Variants in ATP11C observed in about 807,000 individuals in gnomAD.
ATP11C encodes ATPase phospholipid transporting 11C (ATP11C blood group).
A neutral mutation model predicts 97.4 loss-of-function variants in ATP11C; 36 were observed. That is an observed-to-expected ratio of 0.37 (90% confidence interval 0.28 to 0.49). The LOEUF is 0.49. Ranked by LOEUF, ATP11C falls within the 20% of genes least tolerant of loss-of-function variation. ATP11C has a pLI of 0.98. For missense variants in ATP11C, 730 were observed against 824.6 expected (o/e 0.89, Z 1.40); for synonymous variants, 275 against 290.9 (o/e 0.95, Z 0.56).
At chrX:139,862,658 C>T (rs192962029) in intron 1 of ATP11C, among the ~76,000 whole-genome samples, 150 of 111,359 alleles carry the variant, frequency 1.3e-3, no homozygotes, top group African/African-American at 4.4e-3. Flanking sequence ...TTTCATCATC[C>T]CCACTTTGAA....
intron 25 of ATP11C, among the ~76,000 whole-genome samples, chrX:139,745,330 T>A (rs922024874): frequency 9.0e-6 from 1 of 111,420 alleles, no homozygotes; most frequent in African/African-American, 3.3e-5. Context: ...TCCAAAGATA[T>A]GGCAGCTACC....
At position 139,802,085 on chromosome X, in the gene ATP11C, T is replaced by A. The variant is rs192063991; in HGVS notation, c.659+151A>T. 6.5e-6 allele frequency: 3 copies of A among 463,160 alleles called. No individual in the cohort carries two copies. In the East Asian group the frequency reaches 1.1e-4, roughly 17 times the overall value. The allele number at this position is 463,160 out of a possible 1,213,427, so 38.2% of individuals were successfully genotyped here. On this transcript the variant is annotated intron_variant, in intron 7 of 29. Transcript: ENST00000682941. ...TGGGTTGATAGTGAACAAGGCTGAT[T>A]TGATTCATTTTTCTGCCAGAAGGAA...
chrX:139,850,697 G>A (rs937157814), intron 1 of ATP11C, among the ~76,000 whole-genome samples: 2 of 110,868 alleles, frequency 1.8e-5, no homozygotes, highest in African/African-American at 3.3e-5. Flanking sequence ...GGTGGATCAC[G>A]AGGTCAGGAA....
intron 12 of ATP11C, among the ~76,000 whole-genome samples, chrX:139,793,754 C>G (rs1350397114): frequency 8.9e-6 from 1 of 111,958 alleles, no homozygotes; most frequent in Non-Finnish European, 1.9e-5. Context: ...GTGACTGTCA[C>G]TGATGTTGAC....
intron 5 of ATP11C, among the ~76,000 whole-genome samples, chrX:139,807,374 T>C (rs912620183): frequency 2.7e-5 from 3 of 111,146 alleles, no homozygotes; most frequent in Non-Finnish European, 3.8e-5. Flanking sequence ...ATTAAAAACA[T>C]CAAAAACCAA....
intron 1 of ATP11C, among the ~76,000 whole-genome samples, chrX:139,891,197 C>CAAAAAAA (rs35280856): frequency 2.8e-5 from 1 of 35,495 alleles, no homozygotes; most frequent in Non-Finnish European, 5.0e-5. Flanking sequence ...AGAGATTGGC[C>CAAAAAAA]AAAAAAAAAA....
At chrX:139,906,160 G>A (rs1433414789) in intron 1 of ATP11C, among the ~76,000 whole-genome samples, 4 of 110,322 alleles carry the variant, frequency 3.6e-5, no homozygotes, top group Non-Finnish European at 7.6e-5. Flanking sequence ...TCAGCACTTT[G>A]GGAGGCTGAG....
chrX:139,908,192 C>CT (rs1279078465), intron 1 of ATP11C, among the ~76,000 whole-genome samples: 1 of 111,175 alleles, frequency 9.0e-6, no homozygotes, highest in African/African-American at 3.3e-5. Context: ...CTCCTTTAAG[C>CT]TTCTCCAATG....
intron 29 of ATP11C, among the ~76,000 whole-genome samples, chrX:139,730,787 T>C (rs186838494): frequency 9.0e-6 from 1 of 110,566 alleles, no homozygotes; most frequent in Admixed American, 9.6e-5. Context: ...TTACTCTAAA[T>C]TCCTATGGAT....
At chrX:139,898,934 A>G (rs2084852050) in intron 1 of ATP11C, among the ~76,000 whole-genome samples, 1 of 111,794 alleles carries the variant, frequency 8.9e-6, no homozygotes, top group African/African-American at 3.3e-5. Flanking sequence ...GCTGAGTTAT[A>G]GCAACACCAA....
At chrX:139,820,555 T>G (rs935078020) in intron 2 of ATP11C, among the ~76,000 whole-genome samples, 2 of 110,907 alleles carry the variant, frequency 1.8e-5, no homozygotes, top group African/African-American at 6.6e-5. Context: ...CCAATTTCCA[T>G]GACAGCTGGG....
intron 2 of ATP11C, among the ~76,000 whole-genome samples, chrX:139,821,777 A>G (rs2083413657): frequency 8.9e-6 from 1 of 112,274 alleles, no homozygotes. Flanking sequence ...CTAGAACAAT[A>G]GTTTAGCACA....
Position 139,774,965 on chromosome X carries a change from A to G in ATP11C, c.1953-12T>C, listed in dbSNP as rs1233598866. 1.7e-6 allele frequency: 2 copies of G among 1,188,046 alleles called. No individual in the cohort carries two copies. The highest frequency in any genetic ancestry group is 3.8e-5 in the South Asian group (2 of 52,546). On this transcript the variant is annotated splice_polypyrimidine_tract_variant and intron_variant, in intron 18 of 29. Transcript: ENST00000682941. ...CTTGATCTTGTAGCCTGGGAACACA[A>G]AAGAAACCTTGTGATCTTCTAAAAC...
intron 22 of ATP11C, among the ~76,000 whole-genome samples, chrX:139,758,575 A>G (rs770371237): frequency 8.9e-6 from 1 of 111,872 alleles, no homozygotes; most frequent in South Asian, 3.8e-4. Flanking sequence ...TAAAAAGACA[A>G]GCAGAAAAGA....
intron 1 of ATP11C, among the ~76,000 whole-genome samples, chrX:139,930,879 G>A (rs1029215907): frequency 8.9e-5 from 10 of 112,437 alleles, no homozygotes; most frequent in Non-Finnish European, 1.9e-4. Context: ...TCCGATGTAT[G>A]AAAAATGTTA....
intron 1 of ATP11C, chrX:139,909,946 G>A (rs1012548228): frequency 3.6e-5 from 4 of 111,714 alleles, no homozygotes; most frequent in Non-Finnish European, 7.5e-5. Flanking sequence ...TAGCCTGCAC[G>A]TCCTTAGAAA....
chrX:139,912,394 T>C (rs769238835), intron 1 of ATP11C, among the ~76,000 whole-genome samples: 6 of 110,701 alleles, frequency 5.4e-5, no homozygotes, highest in African/African-American at 1.6e-4. Flanking sequence ...ATAGGTAGAA[T>C]TGTATTGCTA....
At chrX:139,758,988 T>C (rs985944443) in intron 22 of ATP11C, among the ~76,000 whole-genome samples, 2 of 112,480 alleles carry the variant, frequency 1.8e-5, no homozygotes, top group African/African-American at 3.2e-5. Context: ...AGGTTTTGAA[T>C]TGCCCCTGCA....
intron 14 of ATP11C, among the ~76,000 whole-genome samples, chrX:139,787,477 T>C (rs113408871): frequency 1.0e-3 from 112 of 111,349 alleles, no homozygotes; most frequent in African/African-American, 3.5e-3. Context: ...TTTGTATTTT[T>C]AGTAGAGACA....
Sources: gnomAD v4.1 joint callset for allele counts (sites outside exome capture counted in the v4.1 genomes callset) on GRCh38, gnomAD v4.1.1 for gene constraint, MANE v1.5 for transcripts, NCBI Gene and HGNC (gene_info 2026-07-23, HGNC 2026-07-21) for gene names.